The following GPHN variants were observed in gnomAD, a reference collection of about 807,000 sequenced individuals.
GPHN encodes gephyrin.
In GPHN, 17 loss-of-function variants were observed where a neutral mutation model predicts 95.5. The ratio of observed to expected loss-of-function variants is 0.18; its 90% CI spans 0.12 to 0.27. The LOEUF is 0.27. Among genes scored for constraint, GPHN ranks in the 10% least tolerant of loss-of-function variants. The pLI, the probability that GPHN is intolerant of heterozygous loss-of-function variation, is 1.00. For missense variants in GPHN, 660 were observed against 978.1 expected (o/e 0.67, Z 4.34); for synonymous variants, 320 against 322.5 (o/e 0.99, Z 0.08).
intron 2 of GPHN, 130 bp from the exon 3 acceptor site, chr14:66,776,334 T>A: frequency 1.4e-6 from 1 of 727,564 alleles, no homozygotes; most frequent in Admixed American, 1.9e-5. Context: ...AAAATGGTTG[T>A]TTTTCCTCCA....
intron 1 of GPHN, among the ~76,000 whole-genome samples, chr14:66,590,008 C>G (rs566452320): frequency 1.1e-4 from 16 of 152,284 alleles, no homozygotes; most frequent in African/African-American, 3.6e-4. Flanking sequence ...AATTAGAACT[C>G]AGGACTAAGA....
chr14:67,257,538 G>A, the GPHN span, among the ~76,000 whole-genome samples: 1 of 151,794 alleles, frequency 6.6e-6, no homozygotes, highest in African/African-American at 2.4e-5. Flanking sequence ...GTGGAGAGAG[G>A]GAATGTACTA....
the GPHN span, among the ~76,000 whole-genome samples, chr14:67,278,642 A>G: frequency 6.6e-6 from 1 of 152,214 alleles, no homozygotes; most frequent in Non-Finnish European, 1.5e-5. Flanking sequence ...AGCATAAAGT[A>G]CAGTGTTGAG....
the GPHN span, among the ~76,000 whole-genome samples, chr14:67,624,937 T>TTGCC: frequency 6.6e-6 from 1 of 152,116 alleles, no homozygotes; most frequent in Non-Finnish European, 1.5e-5. Context: ...GGACAACCGA[T>TTGCC]AGCCTGCAAT....
the GPHN span, chr14:67,292,542 T>C: frequency 6.2e-7 from 1 of 1,613,152 alleles, no homozygotes; most frequent in Non-Finnish European, 8.5e-7. Context: ...CACTTAAACA[T>C]ATCCAACATA....
chr14:66,835,399 A>G (rs1255430178), intron 4 of GPHN, among the ~76,000 whole-genome samples: 3 of 152,074 alleles, frequency 2.0e-5, no homozygotes, highest in African/African-American at 4.8e-5. Context: ...ATTTAGTGCT[A>G]TAAATTTCCC....
rs1210441167 is a variant in GPHN at position 66,985,887 on chromosome 14, ATTAC to A, written c.963+20565_963+20568del. ...ATATTTTTATTGGCTGTTGGGTCAT[ATTAC>A]TTTTTTTTTGTTTCAGCTACACATA... On this transcript the variant is annotated intron_variant, in intron 9 of 22. Transcript: ENST00000478722. 5.4e-6 allele frequency: 3 copies of A among 551,642 alleles called. No individual in the cohort carries two copies. The South Asian group carries it at 7.9e-5, about 15-fold the overall frequency. The allele number at this position is 551,642 out of a possible 1,614,324, so 34.2% of individuals were successfully genotyped here. A position where few individuals can be genotyped will look rare whatever the true frequency, so the allele number is the denominator to read the frequency against.
rs1196720327 is a variant in GPHN at position 67,058,716 on chromosome 14, T to C, written c.1074T>C (p.Ser358=). The change falls in exon 11 of 23, where the codon TCT becomes TCC. Residue 358 remains serine (S), a synonymous_variant. Transcript: ENST00000478722. ...GCATGTCTCCTTTTCCTCTGACATCTATGGACAAAGCCTTTATCACAGTCC... is the reference window on the plus strand; with the variant it reads ...GCATGTCTCCTTTTCCTCTGACATCCATGGACAAAGCCTTTATCACAGTCC... ...RHRMSPFPLT[S]MDKAFITVLE... 5 of 1,613,414 alleles carry C rather than the reference T, an allele frequency of 3.1e-6. No individual in the cohort carries two copies. Among genetic ancestry groups the C allele is most frequent in the Non-Finnish European group, 4.2e-6 (5 of 1,179,314 alleles).
chr14:66,751,257 G>C (rs939804530), intron 2 of GPHN, among the ~76,000 whole-genome samples: 1 of 151,956 alleles, frequency 6.6e-6, no homozygotes, highest in African/African-American at 2.4e-5. Context: ...CCACGTCTTT[G>C]TGGAATCACC....
the GPHN span, among the ~76,000 whole-genome samples, chr14:67,506,991 A>C: frequency 6.6e-6 from 1 of 152,108 alleles, no homozygotes; most frequent in African/African-American, 2.4e-5. Context: ...TAAAAACAAA[A>C]AAGGAAAGAA....
chr14:67,522,212 G>A, the GPHN span, among the ~76,000 whole-genome samples: 1 of 152,056 alleles, frequency 6.6e-6, no homozygotes, highest in South Asian at 2.1e-4. Context: ...AGAAAGTTGG[G>A]GATTGTGCGG....
At chr14:66,637,571 T>A (rs2064168444) in intron 1 of GPHN, among the ~76,000 whole-genome samples, 1 of 152,128 alleles carries the variant, frequency 6.6e-6, no homozygotes. Context: ...TTAAATTTGT[T>A]CCTCTGTCTC....
chr14:67,284,905 A>C, the GPHN span, among the ~76,000 whole-genome samples: 1 of 152,130 alleles, frequency 6.6e-6, no homozygotes, highest in East Asian at 1.9e-4. Context: ...TAGGTTAAAA[A>C]ATTTTTATTT....
the GPHN span, chr14:67,572,236 C>T: frequency 7.5e-6 from 12 of 1,607,986 alleles, no homozygotes; most frequent in African/African-American, 4.0e-5. Context: ...CAAACTGCAG[C>T]GCACCTCATC....
At chr14:67,356,155 C>T in the GPHN span, among the ~76,000 whole-genome samples, 1 of 152,066 alleles carries the variant, frequency 6.6e-6, no homozygotes, top group Admixed American at 6.6e-5. Flanking sequence ...TGCAGTGGCT[C>T]ACACCTGTAA....
At chr14:67,110,558 A>G (rs2078308274) in intron 14 of GPHN, among the ~76,000 whole-genome samples, 1 of 152,222 alleles carries the variant, frequency 6.6e-6, no homozygotes, top group Non-Finnish European at 1.5e-5. Context: ...AAGTACCTCA[A>G]GAAAGAAATG....
At chr14:67,170,144 T>TA (rs1361900983) in intron 21 of GPHN, among the ~76,000 whole-genome samples, 2 of 152,028 alleles carry the variant, frequency 1.3e-5, no homozygotes, top group African/African-American at 2.4e-5. Context: ...ATAAAAACAT[T>TA]AAAAAAATCT....
chr14:66,845,827 G>C (rs1311161726), intron 4 of GPHN, among the ~76,000 whole-genome samples: 1 of 145,880 alleles, frequency 6.9e-6, no homozygotes, highest in African/African-American at 2.7e-5. Flanking sequence ...CTCTGTGTGT[G>C]TGTGTGTGTG....
intron 1 of GPHN, among the ~76,000 whole-genome samples, chr14:66,623,056 A>G (rs1358583650): frequency 6.6e-6 from 1 of 152,146 alleles, no homozygotes; most frequent in Non-Finnish European, 1.5e-5. Context: ...GCAATTTATA[A>G]AAGAAAGAGG....
Sources: allele counts gnomAD v4.1 joint callset (sites outside exome capture counted in the v4.1 genomes callset), GRCh38; gene constraint gnomAD v4.1.1; transcripts MANE v1.5; gene names NCBI Gene and HGNC (gene_info 2026-07-23, HGNC 2026-07-21).